NHSL2: variants seen among roughly 807,000 people sequenced by gnomAD.
NHSL2 encodes the protein NHS like 2, also known as NHS-like protein 2.
NHSL2 carries 27 observed loss-of-function variants against 53.4 expected under a neutral mutation model. The ratio of observed to expected loss-of-function variants is 0.51; its 90% CI spans 0.37 to 0.70. The LOEUF is 0.70. NHSL2 is among the 30% of genes least tolerant of loss of function. NHSL2 has a pLI of 0.00. For synonymous variants in NHSL2, 408 were observed against 404.1 expected, an observed-to-expected ratio of 1.01 and a Z score of -0.12; for missense variants, 892 against 980.1, an observed-to-expected ratio of 0.91 and a Z score of 1.20.
At chrX:72,084,075 C>T (rs893820571) in intron 1 of NHSL2, among the ~76,000 whole-genome samples, 1 of 112,389 alleles carries the variant, frequency 8.9e-6, no homozygotes, top group East Asian at 2.8e-4. Flanking sequence ...TCAAATCCCC[C>T]AGGTTAAGTT....
intron 1 of NHSL2, among the ~76,000 whole-genome samples, chrX:71,963,660 A>G (rs2041878481): frequency 9.1e-6 from 1 of 110,135 alleles, no homozygotes; most frequent in Non-Finnish European, 1.9e-5. Flanking sequence ...GCAGTGGCTC[A>G]CACTTGCAAT....
intron 1 of NHSL2, among the ~76,000 whole-genome samples, chrX:71,944,083 G>T (rs2041781498): frequency 8.9e-6 from 1 of 112,241 alleles, no homozygotes; most frequent in African/African-American, 3.2e-5. Flanking sequence ...CTTGAGTATA[G>T]CCTGCTAGAG....
chrX:71,943,212 G>A (rs984730774), intron 1 of NHSL2, among the ~76,000 whole-genome samples: 2 of 111,217 alleles, frequency 1.8e-5, no homozygotes, highest in East Asian at 2.8e-4. Context: ...TCAACCTCTC[G>A]AGTAGCTGGG....
At chrX:72,099,536 T>C (rs2041973906) in intron 1 of NHSL2, among the ~76,000 whole-genome samples, 1 of 108,420 alleles carries the variant, frequency 9.2e-6, no homozygotes, top group African/African-American at 3.4e-5. Flanking sequence ...TGGCTAATTT[T>C]TTATTTGTAT....
At chrX:71,955,972 T>C (rs2041841468) in intron 1 of NHSL2, among the ~76,000 whole-genome samples, 1 of 110,822 alleles carries the variant, frequency 9.0e-6, no homozygotes, top group Non-Finnish European at 1.9e-5. Context: ...TCACGCTCTG[T>C]AGCAACTCAG....
At chrX:71,944,082 A>G (rs1006902829) in intron 1 of NHSL2, among the ~76,000 whole-genome samples, 1 of 112,342 alleles carries the variant, frequency 8.9e-6, no homozygotes, top group Non-Finnish European at 1.9e-5. Context: ...TCTTGAGTAT[A>G]GCCTGCTAGA....
At chrX:71,972,520 G>A (rs945027664) in intron 1 of NHSL2, among the ~76,000 whole-genome samples, 2 of 112,106 alleles carry the variant, frequency 1.8e-5, no homozygotes, top group African/African-American at 6.5e-5. Context: ...TAAGTTAAGT[G>A]TTTCCTCCTG....
intron 1 of NHSL2, among the ~76,000 whole-genome samples, chrX:71,970,600 A>G (rs2147858442): frequency 1.0e-5 from 1 of 95,886 alleles, no homozygotes; most frequent in African/African-American, 3.7e-5. Context: ...TCTTTTTGTC[A>G]GTCTAGTTAA....
chrX:72,139,673 A>C lies in NHSL2; in HGVS notation c.2125A>C (p.Met709Leu), dbSNP rs1276300951. 1 of 1,211,133 alleles carries C rather than the reference A, an allele frequency of 8.3e-7. No individual in the cohort carries two copies. The highest frequency in any genetic ancestry group is 1.1e-6 in the Non-Finnish European group (1 of 895,227). Residue 709 changes from methionine to leucine, a missense_variant, in exon 6 of 8, where the codon ATG becomes CTG. Physicochemically the swap from Met to Leu is conservative, Grantham distance 15 (BLOSUM62 2). Transcript: ENST00000633930. The part of the protein sequence containing the change: ...ISSPGRPPGL[M>L]SPSSGYSSQS... ...ATCCCCGGGAAGGCCCCCTGGACTGATGTCACCCTCCAGTGGCTACTCCAG... is the reference window on the plus strand; with the variant it reads ...ATCCCCGGGAAGGCCCCCTGGACTGCTGTCACCCTCCAGTGGCTACTCCAG...
chrX:71,918,575 T>C (rs1252072700), intron 1 of NHSL2, among the ~76,000 whole-genome samples: 1 of 111,596 alleles, frequency 9.0e-6, no homozygotes, highest in Non-Finnish European at 1.9e-5. Flanking sequence ...TCTCCTTACG[T>C]TAACATCCTC....
At chrX:71,920,326 T>A (rs1158846421) in intron 1 of NHSL2, among the ~76,000 whole-genome samples, 1 of 112,193 alleles carries the variant, frequency 8.9e-6, no homozygotes, top group Non-Finnish European at 1.9e-5. Flanking sequence ...AGAGTTTTTT[T>A]AAATTGTTAA....
At chrX:71,990,748 G>A (rs1298150361) in intron 1 of NHSL2, among the ~76,000 whole-genome samples, 1 of 111,995 alleles carries the variant, frequency 8.9e-6, no homozygotes, top group Non-Finnish European at 1.9e-5. Context: ...GCTTTCCAAG[G>A]CCTGCTCAGA....
chrX:71,953,002 A>C (rs1257373390), intron 1 of NHSL2, among the ~76,000 whole-genome samples: 5 of 112,182 alleles, frequency 4.5e-5, no homozygotes, highest in African/African-American at 1.6e-4. Flanking sequence ...CCAACAGTGA[A>C]TGCAGTCTGA....
At chrX:72,070,369 A>G (rs2042460891) in intron 1 of NHSL2, among the ~76,000 whole-genome samples, 1 of 108,983 alleles carries the variant, frequency 9.2e-6, no homozygotes, top group Admixed American at 9.7e-5. Context: ...TTGTTCCCCT[A>G]CCTCTGGGTG....
intron 1 of NHSL2, among the ~76,000 whole-genome samples, chrX:72,100,349 A>G (rs2041981389): frequency 8.9e-6 from 1 of 112,629 alleles, no homozygotes; most frequent in Admixed American, 9.3e-5. Context: ...ACTGTGCTGA[A>G]TACTACAGGC....
intron 1 of NHSL2, among the ~76,000 whole-genome samples, chrX:71,983,834 T>A (rs2041991114): frequency 8.9e-6 from 1 of 111,738 alleles, no homozygotes; most frequent in South Asian, 3.8e-4. Context: ...GCAGTGAGGA[T>A]GACCGGAGGT....
Position 72,139,494 on chromosome X carries a change from A to G in NHSL2, c.1946A>G (p.Tyr649Cys). ...YLTDWKSGDT[Y>C]QSLSSSSTAT... ...ACTGACTGGAAGTCTGGTGACACCT[A>G]CCAATCCCTGTCCAGCTCCAGCACT... Residue 649 changes from tyrosine (Y) to cysteine (C), a missense_variant, in exon 6 of 8, where the codon TAC becomes TGC. Transcript: ENST00000633930. The G allele has an allele frequency of 8.3e-7, 1 of 1,210,647 alleles. No homozygotes were observed. Among genetic ancestry groups the G allele is most frequent in the Non-Finnish European group, 1.1e-6 (1 of 894,466 alleles).
chrX:72,000,505 A>G lies in NHSL2; in HGVS notation c.280+89138A>G, dbSNP rs777029008. ...AAACAACACAAATTTATTATCTTAC[A>G]GTTCTGGAGGGCAGACGTCTGAGAT... On this transcript the variant is annotated intron_variant, in intron 1 of 7. Coordinates refer to ENST00000633930, the MANE Select transcript of NHSL2 (RefSeq NM_001013627.3). Among the ~76,000 whole-genome samples, 12 of 112,237 alleles carry G rather than the reference A, an allele frequency of 1.1e-4. No individual in the cohort carries two copies. The South Asian group carries it at 4.4e-3, about 42-fold the overall frequency.
chrX:72,121,983 T>G (rs931059194), intron 1 of NHSL2, among the ~76,000 whole-genome samples: 8 of 112,406 alleles, frequency 7.1e-5, no homozygotes, highest in Non-Finnish European at 1.5e-4. Flanking sequence ...CTTCAACATT[T>G]CTAATCTATA....
Sources: gnomAD v4.1 joint callset for allele counts (sites outside exome capture counted in the v4.1 genomes callset) on GRCh38, gnomAD v4.1.1 for gene constraint, MANE v1.5 for transcripts, NCBI Gene and HGNC (gene_info 2026-07-23, HGNC 2026-07-21) for gene names.